The following MAT2B variants were observed in gnomAD, a reference collection of about 807,000 sequenced individuals.
MAT2B encodes methionine adenosyltransferase 2 non-catalytic beta subunit.
Under a neutral mutation model 36.1 loss-of-function variants are expected in MAT2B, and 16 were observed. The observed-to-expected ratio is 0.44, with a 90% confidence interval of 0.30 to 0.67. The LOEUF (loss-of-function observed/expected upper bound fraction) is 0.67, where lower values mean the gene tolerates loss of function less well. Among genes scored for constraint, MAT2B ranks in the 30% least tolerant of loss-of-function variants. The probability of loss-of-function intolerance (pLI) is 0.09; values close to 1 mark genes in which losing one functional copy is unlikely to be tolerated. For missense variants in MAT2B, 332 were observed against 398.2 expected, an observed-to-expected ratio of 0.83 and a Z score of 1.42; for synonymous variants, 148 against 136.9, an observed-to-expected ratio of 1.08 and a Z score of -0.57.
upstream of MAT2B, among the ~76,000 whole-genome samples, chr5:163,504,854 C>T (rs956174092): frequency 4.6e-5 from 7 of 151,998 alleles, no homozygotes; most frequent in Admixed American, 3.3e-4. Flanking sequence ...TCGTGTGGCC[C>T]AATCCTGCAA....
chr5:163,503,274 C>A, upstream of MAT2B: 1 of 802,412 alleles, frequency 1.2e-6, no homozygotes. Context: ...TCAAGTGAAG[C>A]TGCTCCTCAC....
upstream of MAT2B, chr5:163,503,476 A>G: frequency 6.5e-7 from 1 of 1,545,208 alleles, no homozygotes; most frequent in East Asian, 2.2e-5. Context: ...GAGATGCTTT[A>G]AAAGCATTCC....
chr5:163,512,287 T>A, intron 2 of MAT2B, 91 bp downstream of exon 2: 2 of 1,151,672 alleles, frequency 1.7e-6, no homozygotes, highest in Non-Finnish European at 2.6e-6. Context: ...AGGAAATTAC[T>A]ATGTTTGAAA....
chr5:163,516,055 A>T (rs1199427671), intron 4 of MAT2B, among the ~76,000 whole-genome samples: 1 of 151,174 alleles, frequency 6.6e-6, no homozygotes, highest in African/African-American at 2.4e-5. Context: ...TTTTAATTTT[A>T]TTTTTGAGGC....
rs1400263591 is a variant in MAT2B, at chr5:163,518,899, C to G, written c.*536C>G. 6.6e-6 allele frequency: 1 copy of G among 152,636 alleles called. No individual in the cohort carries two copies. Among genetic ancestry groups the G allele is most frequent in the Non-Finnish European group, 1.5e-5 (1 of 68,034 alleles). 9.5% of individuals were successfully genotyped at this position (152,636 alleles called of 1,614,324 possible). On this transcript the variant is annotated 3_prime_UTR_variant, in exon 7 of 7. Coordinates refer to ENST00000321757, the MANE Select transcript of MAT2B (RefSeq NM_013283.5). ...CAACATGTTATGTATATTGGAACTT[C>G]TACAGCTTGATGCCTCCTGCTTTTA...
chr5:163,509,869 G>T (rs1760011198), intron 1 of MAT2B, among the ~76,000 whole-genome samples: 1 of 152,144 alleles, frequency 6.6e-6, no homozygotes, highest in Non-Finnish European at 1.5e-5. Flanking sequence ...AACACAGCCT[G>T]AATGAAATTG....
upstream of MAT2B, chr5:163,503,541 C>A: frequency 2.1e-6 from 2 of 946,166 alleles, no homozygotes; most frequent in Admixed American, 1.9e-5. Context: ...AAACGGGTGT[C>A]ATTCATTTCC....
intron 4 of MAT2B, among the ~76,000 whole-genome samples, chr5:163,516,265 A>G (rs184884255): frequency 2.0e-4 from 30 of 152,036 alleles, no homozygotes; most frequent in Admixed American, 9.2e-4. Context: ...GCCCGGGCTG[A>G]TCTTGAACTC....
At chr5:163,512,904 C>T (rs1760069427) in intron 2 of MAT2B, 2 of 282,392 alleles carry the variant, frequency 7.1e-6, no homozygotes, top group Non-Finnish European at 7.0e-6. Context: ...TGGTCTTGAA[C>T]TCCTGACCTC....
At chr5:163,517,430 G>GGAT (rs10669099) in intron 5 of MAT2B, 131 bp from the exon 6 acceptor site, 3 of 521,950 alleles carry the variant, frequency 5.7e-6, no homozygotes, top group African/African-American at 3.8e-5. Context: ...GATATCTTGT[G>GGAT]GAGACCTTTC....
At chr5:163,512,704 G>T (rs1317303284) in intron 2 of MAT2B, 1 of 453,520 alleles carries the variant, frequency 2.2e-6, no homozygotes, top group East Asian at 7.1e-5. Context: ...TTTTTGTGAC[G>T]TAATCTTGGT....
At chr5:163,516,354 A>T (rs946830128) in intron 4 of MAT2B, among the ~76,000 whole-genome samples, 164 bp from the exon 5 acceptor site, 1 of 152,086 alleles carries the variant, frequency 6.6e-6, no homozygotes, top group African/African-American at 2.4e-5. Context: ...CTGGCCTTGA[A>T]TATTTTTACA....
At chr5:163,504,880 T>TTCTTA (rs1759901553), upstream of MAT2B, among the ~76,000 whole-genome samples, 1 of 152,156 alleles carries the variant, frequency 6.6e-6, no homozygotes, top group Admixed American at 6.5e-5. Flanking sequence ...GAGGCGGTGT[T>TTCTTA]TCTTAAAGAG....
chr5:163,512,468 C>A (rs1561657071), intron 2 of MAT2B: 8 of 479,210 alleles, frequency 1.7e-5, no homozygotes, highest in Non-Finnish European at 2.3e-5. Context: ...AAATGGTTTT[C>A]AAATGTTACT....
At chr5:163,505,540 C>A, upstream of MAT2B, 5 of 1,243,036 alleles carry the variant, frequency 4.0e-6, no homozygotes, top group Non-Finnish European at 5.1e-6. Context: ...TCAACGGGCG[C>A]GGCTATGGCA....
At chr5:163,515,065 G>A (rs1400954183) in intron 4 of MAT2B, among the ~76,000 whole-genome samples, 1 of 152,106 alleles carries the variant, frequency 6.6e-6, no homozygotes, top group African/African-American at 2.4e-5. Flanking sequence ...CTTTTATAAT[G>A]GCATTAATCC....
chr5:163,518,078 T>G (rs1760159739), intron 6 of MAT2B, 115 bp from the exon 7 acceptor site: 3 of 688,590 alleles, frequency 4.4e-6, no homozygotes, highest in South Asian at 2.4e-5. Context: ...TGGAGGGAGA[T>G]CTCATCTCTG....
At chr5:163,507,086 AC>A (rs35986107) in intron 1 of MAT2B, among the ~76,000 whole-genome samples, 151,830 of 152,354 alleles carry the variant, frequency 1, 75,656 homozygotes, top group Middle Eastern at 1. Context: ...AGTAATGTTT[AC>A]CTTAAGGGTC....
chr5:163,504,528 G>C (rs1426449315), upstream of MAT2B, among the ~76,000 whole-genome samples: 1 of 152,204 alleles, frequency 6.6e-6, no homozygotes, highest in Non-Finnish European at 1.5e-5. Flanking sequence ...AAAGGTTTAG[G>C]AGTCGGGGAA....
Sources: gnomAD v4.1 joint callset for allele counts (sites outside exome capture counted in the v4.1 genomes callset) on GRCh38, gnomAD v4.1.1 for gene constraint, MANE v1.5 for transcripts, NCBI Gene and HGNC (gene_info 2026-07-23, HGNC 2026-07-21) for gene names.